Variants in YEATS2 observed in about 807,000 individuals in gnomAD.
YEATS2 encodes the protein YEATS domain containing 2.
YEATS2 carries 77 observed loss-of-function variants against 163.2 expected under a neutral mutation model. The ratio of observed to expected loss-of-function variants is 0.47; its 90% CI spans 0.39 to 0.57. The LOEUF (loss-of-function observed/expected upper bound fraction) is 0.57. Among genes scored for constraint, YEATS2 ranks in the 20% least tolerant of loss-of-function variants. The probability of loss-of-function intolerance (pLI) is 0.00; values close to 1 mark genes in which losing one functional copy is unlikely to be tolerated. For synonymous variants in YEATS2, 631 were observed against 645.1 expected, an observed-to-expected ratio of 0.98 and a Z score of 0.33; for missense variants, 1,549 against 1,729.8, an observed-to-expected ratio of 0.90 and a Z score of 1.85.
intron 7 of YEATS2, among the ~76,000 whole-genome samples, chr3:183,733,828 C>T (rs757756814): frequency 1.3e-5 from 2 of 151,826 alleles, no homozygotes; most frequent in South Asian, 2.1e-4. Flanking sequence ...TCCTAAAAGC[C>T]GTGATTGTGA....
At chr3:183,706,550 CTTA>C (rs1184922839) in intron 1 of YEATS2, among the ~76,000 whole-genome samples, 1 of 152,192 alleles carries the variant, frequency 6.6e-6, no homozygotes, top group Non-Finnish European at 1.5e-5. Context: ...AACCTACACT[CTTA>C]TTAAGATTAG....
intron 4 of YEATS2, among the ~76,000 whole-genome samples, chr3:183,721,525 T>C (rs552806516): frequency 1.3e-5 from 2 of 152,338 alleles, no homozygotes; most frequent in South Asian, 4.1e-4. Context: ...TTTATTTGTA[T>C]TTTTATATTT....
At chr3:183,770,354 T>G (rs531280483) in intron 15 of YEATS2, among the ~76,000 whole-genome samples, 1 of 152,006 alleles carries the variant, frequency 6.6e-6, no homozygotes, top group African/African-American at 2.4e-5. Context: ...ACTTCCTGGG[T>G]GACAGAGCGA....
At chr3:183,762,317 A>T in intron 15 of YEATS2, 38 bp downstream of exon 15, 1 of 1,507,108 alleles carries the variant, frequency 6.6e-7, no homozygotes, top group South Asian at 1.3e-5. Context: ...TCACATGTAA[A>T]TGATGTTGTT....
At chr3:183,805,414 A>T (rs2108530396) in intron 27 of YEATS2, among the ~76,000 whole-genome samples, 1 of 151,980 alleles carries the variant, frequency 6.6e-6, no homozygotes, top group Non-Finnish European at 1.5e-5. Context: ...AAATAAAAAG[A>T]AAAGTTGTTC....
chr3:183,700,686 G>T (rs1405564867), intron 1 of YEATS2, among the ~76,000 whole-genome samples: 3 of 133,904 alleles, frequency 2.2e-5, no homozygotes, highest in Non-Finnish European at 4.6e-5. Flanking sequence ...CAGGGGAATT[G>T]CTTGAACCCG....
At chr3:183,766,667 GA>G (rs1396511178) in intron 15 of YEATS2, among the ~76,000 whole-genome samples, 1 of 152,162 alleles carries the variant, frequency 6.6e-6, no homozygotes, top group East Asian at 1.9e-4. Flanking sequence ...GCTCTAGGCC[GA>G]AATACGTTGT....
intron 18 of YEATS2, among the ~76,000 whole-genome samples, chr3:183,776,799 A>C (rs1264883512): frequency 6.6e-6 from 1 of 151,952 alleles, no homozygotes; most frequent in Non-Finnish European, 1.5e-5. Flanking sequence ...TAAAAATACA[A>C]AAATCAGTCG....
Position 183,790,000 on chromosome 3 carries a change from C to T in YEATS2, c.2914-797C>T, listed in dbSNP as rs79344224. On this transcript the variant is annotated intron_variant, in intron 20 of 30. Transcript: ENST00000305135. ...TGTGGCTTGACTTCTCAAGCTTCAT[C>T]TCCTGCAGCTGCTGCTTCCCCGTGC... Among the ~76,000 whole-genome samples, 390 of 152,312 alleles carry T rather than the reference C, an allele frequency of 2.6e-3. 13 individuals are homozygous for T. The East Asian group carries it at 0.064, about 25-fold the overall frequency.
chr3:183,781,917 T>A (rs532826482), intron 19 of YEATS2, among the ~76,000 whole-genome samples: 44 of 145,936 alleles, frequency 3.0e-4, no homozygotes, highest in South Asian at 3.0e-3. Context: ...AAAAAAAAAT[T>A]TTTTTTTTCT....
chr3:183,756,355 C>T (rs1720765160), intron 11 of YEATS2, among the ~76,000 whole-genome samples, 173 bp from the exon 12 acceptor site: 1 of 152,136 alleles, frequency 6.6e-6, no homozygotes, highest in African/African-American at 2.4e-5. Context: ...ACATCCTCTG[C>T]CTCCTTTGTA....
intron 8 of YEATS2, among the ~76,000 whole-genome samples, chr3:183,744,532 A>G (rs745470786): frequency 1.3e-5 from 2 of 152,160 alleles, no homozygotes; most frequent in African/African-American, 2.4e-5. Context: ...CACATCTTAC[A>G]TTGTACATAT....
At position 183,763,030 on chromosome 3, in the gene YEATS2, G is replaced by A. The variant is rs75544611; in HGVS notation, c.1947+751G>A. On this transcript the variant is annotated intron_variant, in intron 15 of 30. Transcript: ENST00000305135. The stretch of plus-strand genomic sequence containing the variant: ...CGCGGCACTGCACTCCAGCCTGGGT[G>A]ACAGAGAGAGACTCTGTCTCAAAAA... Among the ~76,000 whole-genome samples the A allele has an allele frequency of 6.0e-4, 91 of 150,998 alleles. 2 individuals carry two copies. The East Asian group carries it at 0.017, about 29-fold the overall frequency.
rs184153779 is a variant in YEATS2 at position 183,725,565 on chromosome 3, G to A, written c.650+1034G>A. Reference sequence around the variant, plus strand: ...AAAGCCATGTCTTAAGTGGAGGCAGGCAAGAGAGCTTGTGTAGGAGAACTA... The same window carrying A: ...AAAGCCATGTCTTAAGTGGAGGCAGACAAGAGAGCTTGTGTAGGAGAACTA... On this transcript the variant is annotated intron_variant, in intron 6 of 30. Transcript: ENST00000305135. 4.1e-4 allele frequency among the ~76,000 whole-genome samples: 62 copies of A among 152,338 alleles called. 2 individuals carry two copies. The highest frequency in any genetic ancestry group is 3.3e-3 in the Admixed American group (51 of 15,298).
rs1687414146 is a variant in YEATS2, at chr3:183,722,121, C to G, written c.522C>G (p.Ser174Arg). The G allele has an allele frequency of 1.2e-6, 2 of 1,613,652 alleles. No individual in the cohort carries two copies. Among genetic ancestry groups the G allele is most frequent in the Non-Finnish European group, 1.7e-6 (2 of 1,179,940 alleles). ...RLSNNMEQRP[S>R]RNTGRDTSRI... Reference sequence around the variant, plus strand: ...CAAACAACATGGAGCAGAGACCAAGCCGAAATACTGGAAGGGTATATAGAT... The same window carrying G: ...CAAACAACATGGAGCAGAGACCAAGGCGAAATACTGGAAGGGTATATAGAT... The change falls in exon 5 of 31, where the codon AGC becomes AGG. Residue 174 changes from serine to arginine, a missense_variant. By Grantham distance (110) the Ser-to-Arg change is moderately radical. Transcript: ENST00000305135.
At chr3:183,715,345 T>C in intron 2 of YEATS2, 83 bp downstream of exon 2, 1 of 1,020,886 alleles carries the variant, frequency 9.8e-7, no homozygotes, top group Non-Finnish European at 1.5e-6. Context: ...ATGAAATGAA[T>C]TTCCACTGTT....
intron 8 of YEATS2, among the ~76,000 whole-genome samples, chr3:183,747,439 A>G (rs1719663112): frequency 6.6e-6 from 1 of 152,054 alleles, no homozygotes; most frequent in Non-Finnish European, 1.5e-5. Context: ...TGTCCTTAGA[A>G]TAGGTTTTTT....
At chr3:183,770,309 G>C (rs917314421) in intron 15 of YEATS2, among the ~76,000 whole-genome samples, 1 of 152,074 alleles carries the variant, frequency 6.6e-6, no homozygotes, top group East Asian at 2.0e-4. Flanking sequence ...GCATGAACCC[G>C]TGAGGCGGAG....
chr3:183,764,535 C>T (rs566221034), intron 15 of YEATS2, among the ~76,000 whole-genome samples: 3 of 152,258 alleles, frequency 2.0e-5, no homozygotes, highest in Admixed American at 6.5e-5. Context: ...TAGAGCTTGT[C>T]GCAGTGGCTC....
Sources: gnomAD v4.1 joint callset for allele counts (sites outside exome capture counted in the v4.1 genomes callset) on GRCh38, gnomAD v4.1.1 for gene constraint, MANE v1.5 for transcripts, NCBI Gene and HGNC (gene_info 2026-07-23, HGNC 2026-07-21) for gene names.